ATG4B: variants seen among roughly 807,000 people sequenced by gnomAD.
The protein encoded by ATG4B is cysteine protease ATG4B.
ATG4B carries 29 observed loss-of-function variants against 56.6 expected under a neutral mutation model. The observed-to-expected ratio is 0.51, with a 90% CI of 0.38 to 0.70. The LOEUF (loss-of-function observed/expected upper bound fraction) is 0.70, where lower values mean the gene tolerates loss of function less well. Among genes scored for constraint, ATG4B ranks in the 30% least tolerant of loss-of-function variants. The pLI is 0.00. For missense variants in ATG4B, 461 were observed against 515.5 expected (o/e 0.89, Z 1.02); for synonymous variants, 224 against 206.1 (o/e 1.09, Z -0.74).
intron 8 of ATG4B, chr2:241,667,912 A>T (rs1232572655): frequency 3.9e-6 from 2 of 514,314 alleles, no homozygotes. Context: ...CCCAAAGCCC[A>T]CCTCTGACAT....
rs1479367562 is a variant in ATG4B, at chr2:241,668,257, T to C, written c.811+36T>C. ...GGTTCCCACCGTGTCCCTGTGGGCC[T>C]GGGCCTTTTAAGGGCATTCCATGAG... On this transcript the variant is annotated intron_variant, in intron 9 of 12. Transcript: ENST00000404914. This position sits in a 1 kb window ranked among gnomAD's most constrained non-coding sequence, Gnocchi z 4.2. 9.6e-6 allele frequency: 15 copies of C among 1,560,740 alleles called. No homozygotes were observed. The East Asian group carries it at 3.6e-4, about 38-fold the overall frequency.
chr2:241,672,453 C>T lies in ATG4B; in HGVS notation c.*189C>T, dbSNP rs1289995456. On this transcript the variant is annotated 3_prime_UTR_variant, in exon 13 of 13. Transcript: ENST00000404914. ...CCTTACTGCTTGGTGTCAGACTGCCCAGCTCAGAGTGCCCGTCAGGGCCTG... is the reference window on the plus strand; with the variant it reads ...CCTTACTGCTTGGTGTCAGACTGCCTAGCTCAGAGTGCCCGTCAGGGCCTG... The T allele has an allele frequency of 4.9e-6, 3 of 611,800 alleles. No individual in the cohort carries two copies. Among genetic ancestry groups the T allele is most frequent in the East Asian group, 2.8e-5 (1 of 36,066 alleles). 37.9% of individuals were successfully genotyped at this position (611,800 alleles called of 1,614,324 possible).
At chr2:241,647,565 A>G (rs928936720) in intron 1 of ATG4B, among the ~76,000 whole-genome samples, 1 of 145,346 alleles carries the variant, frequency 6.9e-6, no homozygotes, top group Non-Finnish European at 1.5e-5. Flanking sequence ...GCTTGCAGTG[A>G]GCCGAGATCG....
intron 7 of ATG4B, among the ~76,000 whole-genome samples, chr2:241,663,104 G>A (rs1269370449): frequency 1.3e-5 from 2 of 152,136 alleles, no homozygotes; most frequent in Non-Finnish European, 2.9e-5. Flanking sequence ...ATGGTGGCAC[G>A]CCCTCGTAAT....
chr2:241,654,824 A>G (rs536975298), intron 5 of ATG4B, 177 bp downstream of exon 5: 39 of 613,726 alleles, frequency 6.4e-5, no homozygotes, highest in Admixed American at 3.3e-4. Context: ...GTGTCATCCC[A>G]CATCACCCCC....
chr2:241,671,707 G>C, intron 12 of ATG4B: 1 of 1,342,440 alleles, frequency 7.4e-7, no homozygotes, highest in Non-Finnish European at 9.6e-7. Flanking sequence ...TGCAGGCTCT[G>C]TGGTGACGCA....
At chr2:241,670,133 C>G (rs142187838) in intron 10 of ATG4B, among the ~76,000 whole-genome samples, 13 of 152,318 alleles carry the variant, frequency 8.5e-5, no homozygotes, top group Non-Finnish European at 1.8e-4. Flanking sequence ...GCTTCTCCCC[C>G]CATTTCGTTT....
At position 241,668,768 on chromosome 2, in the gene ATG4B, G is replaced by GTTTT. The variant is rs138661495; in HGVS notation, c.957+90_957+93dup. On this transcript the variant is annotated intron_variant, in intron 10 of 12. Transcript: ENST00000404914. The surrounding 1 kb of genome is among the most constrained non-coding windows in gnomAD (Gnocchi z 4.2). ...ACGAGGAAAACTTTCGGATTTTTGCGTTTTTTTTTTCAGCATGTTGGGATA... is the reference window on the plus strand; with the variant it reads ...ACGAGGAAAACTTTCGGATTTTTGCGTTTTTTTTTTTTTTCAGCATGTTGGGATA... 174 of 1,387,642 alleles carry GTTTT rather than the reference G, an allele frequency of 1.3e-4. No individual in the cohort carries two copies. Among genetic ancestry groups the GTTTT allele is most frequent in the Non-Finnish European group, 1.4e-4 (148 of 1,048,934 alleles). 86.0% of individuals were successfully genotyped at this position (1,387,642 alleles called of 1,614,324 possible).
chr2:241,658,855 T>C (rs2068496303), intron 6 of ATG4B, among the ~76,000 whole-genome samples: 1 of 152,204 alleles, frequency 6.6e-6, no homozygotes. Context: ...CTCAAAAGCC[T>C]CTTGCGTGTG....
intron 8 of ATG4B, 122 bp downstream of exon 8, chr2:241,666,960 C>T (rs2068798135): frequency 8.3e-7 from 1 of 1,200,422 alleles, no homozygotes; most frequent in Admixed American, 2.2e-5. Context: ...GAGGGGTAAA[C>T]AACCCTGGTT....
At chr2:241,653,720 A>G in intron 4 of ATG4B, 110 bp downstream of exon 4, 1 of 911,084 alleles carries the variant, frequency 1.1e-6, no homozygotes, top group South Asian at 1.7e-5. Context: ...AGTAAGTAGA[A>G]CTTGGGGGTT....
chr2:241,643,484 G>A (rs1049850806), intron 1 of ATG4B, among the ~76,000 whole-genome samples: 3 of 150,864 alleles, frequency 2.0e-5, no homozygotes, highest in African/African-American at 7.3e-5. Context: ...TGGGATTACA[G>A]GCATGAGCCA....
chr2:241,646,808 A>C (rs376456474), intron 1 of ATG4B, among the ~76,000 whole-genome samples: 2 of 138,732 alleles, frequency 1.4e-5, no homozygotes, highest in South Asian at 4.6e-4. Context: ...TTTGAGACAG[A>C]GTTTCACTCT....
At chr2:241,658,980 A>G (rs574130678) in intron 6 of ATG4B, 128 bp from the exon 7 acceptor site, 14 of 628,466 alleles carry the variant, frequency 2.2e-5, no homozygotes, top group Non-Finnish European at 3.5e-5. Flanking sequence ...CCCGGATTTT[A>G]GGAGCCTTGG....
At chr2:241,642,660 A>G (rs2067928138) in intron 1 of ATG4B, among the ~76,000 whole-genome samples, 1 of 151,602 alleles carries the variant, frequency 6.6e-6, no homozygotes, top group Admixed American at 6.6e-5. Flanking sequence ...AATTCCCTAC[A>G]TTTCTGCCTG....
intron 1 of ATG4B, among the ~76,000 whole-genome samples, chr2:241,638,071 G>C (rs959911337): frequency 2.0e-5 from 3 of 151,624 alleles, no homozygotes; most frequent in Admixed American, 2.0e-4. Context: ...GGAGAGGCGC[G>C]GCGGCGAACG....
At position 241,672,581 on chromosome 2, in the gene ATG4B, C is replaced by A; in HGVS notation, c.*317C>A. 1 of 381,938 alleles carries A rather than the reference C, an allele frequency of 2.6e-6. No homozygotes were observed. Among genetic ancestry groups the A allele is most frequent in the Non-Finnish European group, 4.8e-6 (1 of 207,932 alleles). 23.7% of individuals were successfully genotyped at this position (381,938 alleles called of 1,614,324 possible). The stretch of plus-strand genomic sequence containing the variant: ...GGCCTCAGTCCCACTTGCTCCCAGG[C>A]GCCGGTTCTGTGGTTGGTTTGGAAT... On this transcript the variant is annotated 3_prime_UTR_variant, in exon 13 of 13. Transcript: ENST00000404914.
At position 241,668,586 on chromosome 2, in the gene ATG4B, G is replaced by A; in HGVS notation, c.858G>A (p.Val286=). Residue 286 remains valine (V), a synonymous_variant, in exon 10 of 13, where the codon GTG becomes GTA. Transcript: ENST00000404914. This position sits in a 1 kb window ranked among gnomAD's most constrained non-coding sequence, Gnocchi z 4.2. ...YLDPHTTQPA[V]EPTDGCFIPD... ...ACCCCCACACCACGCAGCCAGCCGT[G>A]GAGCCCACTGATGGCTGCTTCATCC... 1 of 1,607,216 alleles carries A rather than the reference G, an allele frequency of 6.2e-7. No individual in the cohort carries two copies. The highest frequency in any genetic ancestry group is 8.5e-7 in the Non-Finnish European group (1 of 1,177,870).
Position 241,659,900 on chromosome 2 carries a change from A to T in ATG4B, c.538+713A>T, listed in dbSNP as rs569073083. ...TTGAATCCAATTTTCCATAAGAAAGAGCTCATTTAGGCCGGGCGCGGTGGC... is the reference window on the plus strand; with the variant it reads ...TTGAATCCAATTTTCCATAAGAAAGTGCTCATTTAGGCCGGGCGCGGTGGC... On this transcript the variant is annotated intron_variant, in intron 7 of 12. Transcript: ENST00000404914. The T allele has an allele frequency of 2.6e-3, 416 of 158,656 alleles. 2 individuals carry two copies. The highest frequency in any genetic ancestry group is 4.8e-3 in the Non-Finnish European group (341 of 71,538). 9.8% of individuals were successfully genotyped at this position (158,656 alleles called of 1,614,324 possible).
Sources: gnomAD v4.1 joint callset for allele counts (sites outside exome capture counted in the v4.1 genomes callset) on GRCh38, gnomAD v4.1.1 for gene constraint, Gnocchi (gnomAD v3.1) non-coding constraint, MANE v1.5 for transcripts, NCBI Gene and HGNC (gene_info 2026-07-23, HGNC 2026-07-21) for gene names.